EFCAB6: variants seen among roughly 807,000 people sequenced by gnomAD.
The protein encoded by EFCAB6 is EF-hand calcium-binding domain-containing protein 6.
In EFCAB6, 156 loss-of-function variants were observed where a neutral mutation model predicts 169.8. The ratio of observed to expected loss-of-function variants is 0.92; its 90% confidence interval spans 0.81 to 1.05. The LOEUF (loss-of-function observed/expected upper bound fraction) is 1.05. EFCAB6 is among the 50% of genes least tolerant of loss of function. EFCAB6 has a pLI of 0.00. For synonymous variants in EFCAB6, 698 were observed against 676.4 expected (o/e 1.03, Z -0.50); for missense variants, 1,800 against 1,829.1 (o/e 0.98, Z 0.29).
At chr22:43,642,095 C>A (rs2055843731) in intron 17 of EFCAB6, among the ~76,000 whole-genome samples, 2 of 152,246 alleles carry the variant, frequency 1.3e-5, no homozygotes, top group Middle Eastern at 3.4e-3. Context: ...GCATGCGACA[C>A]CACACCCGGC....
chr22:43,677,437 G>A (rs906131299), intron 13 of EFCAB6, among the ~76,000 whole-genome samples: 3 of 152,162 alleles, frequency 2.0e-5, no homozygotes, highest in Non-Finnish European at 4.4e-5. Flanking sequence ...CACGAGGTCA[G>A]GAGATCAAGA....
chr22:43,710,811 G>A (rs953299432), intron 10 of EFCAB6, among the ~76,000 whole-genome samples: 1 of 152,140 alleles, frequency 6.6e-6, no homozygotes, highest in Non-Finnish European at 1.5e-5. Flanking sequence ...ATGAACATGG[G>A]TCTGTACATC....
intron 8 of EFCAB6, among the ~76,000 whole-genome samples, chr22:43,719,241 C>G (rs992193682): frequency 1.3e-5 from 2 of 152,186 alleles, no homozygotes; most frequent in Non-Finnish European, 2.9e-5. Flanking sequence ...CTTTCATTCT[C>G]CAGGGCAGCT....
At chr22:43,566,602 G>C (rs2049448843) in intron 26 of EFCAB6, among the ~76,000 whole-genome samples, 1 of 152,210 alleles carries the variant, frequency 6.6e-6, no homozygotes, top group Admixed American at 6.5e-5. Context: ...GCCAGCAGGT[G>C]CTGGAGATGG....
At chr22:43,724,125 A>C (rs1484968695) in intron 8 of EFCAB6, among the ~76,000 whole-genome samples, 2 of 152,140 alleles carry the variant, frequency 1.3e-5, no homozygotes, top group Non-Finnish European at 2.9e-5. Flanking sequence ...GCAAGTGGCC[A>C]AAAGTAACCA....
chr22:43,569,136 C>T (rs2049663366), intron 26 of EFCAB6, among the ~76,000 whole-genome samples: 1 of 152,196 alleles, frequency 6.6e-6, no homozygotes, highest in Non-Finnish European at 1.5e-5. Flanking sequence ...GAGGGGGACT[C>T]ATACTCCTTT....
chr22:43,729,565 A>T (rs1455246154), intron 8 of EFCAB6, among the ~76,000 whole-genome samples: 2 of 152,226 alleles, frequency 1.3e-5, no homozygotes, highest in Non-Finnish European at 2.9e-5. Context: ...CAAACTCTCC[A>T]GGAGTGGATA....
rs1347224348 is a variant in EFCAB6 at position 43,628,488 on chromosome 22, C to T, written c.2233-1809G>A. Reference sequence around the variant, plus strand: ...TCTGTGCAATCGCTCCCGAGCGATCCCTTACAGCTGACGTCATGCATGAGG... The same window carrying T: ...TCTGTGCAATCGCTCCCGAGCGATCTCTTACAGCTGACGTCATGCATGAGG... On this transcript the variant is annotated intron_variant, in intron 19 of 31. Transcript: ENST00000262726. This position sits in a 1 kb window ranked among gnomAD's most constrained non-coding sequence, Gnocchi z 4.8. Among the ~76,000 whole-genome samples, 2 of 152,160 alleles carry T rather than the reference C, an allele frequency of 1.3e-5. No individual in the cohort carries two copies. The highest frequency in any genetic ancestry group is 2.9e-5 in the Non-Finnish European group (2 of 68,028).
At chr22:43,568,678 T>C (rs537322667) in intron 26 of EFCAB6, among the ~76,000 whole-genome samples, 1 of 152,064 alleles carries the variant, frequency 6.6e-6, no homozygotes, top group African/African-American at 2.4e-5. Context: ...CCCCGCACCA[T>C]GCATTTCCAT....
chr22:43,618,064 T>C (rs1475769048), intron 20 of EFCAB6, among the ~76,000 whole-genome samples: 3 of 146,468 alleles, frequency 2.0e-5, no homozygotes, highest in Non-Finnish European at 4.5e-5. Context: ...ATTGTGCCAC[T>C]GTACTCCAGC....
intron 6 of EFCAB6, among the ~76,000 whole-genome samples, chr22:43,741,086 C>T (rs1474186294): frequency 2.0e-5 from 3 of 152,064 alleles, no homozygotes; most frequent in Admixed American, 6.6e-5. Flanking sequence ...AAGTTAGGGC[C>T]GTGGTGTCCA....
intron 8 of EFCAB6, among the ~76,000 whole-genome samples, chr22:43,729,801 A>G (rs2059870475): frequency 6.6e-6 from 1 of 152,216 alleles, no homozygotes; most frequent in African/African-American, 2.4e-5. Flanking sequence ...TAGAAACAGC[A>G]AAGAATAGGA....
intron 20 of EFCAB6, among the ~76,000 whole-genome samples, chr22:43,621,710 T>C (rs1303647772): frequency 1.3e-5 from 2 of 151,672 alleles, no homozygotes; most frequent in East Asian, 1.9e-4. Flanking sequence ...ATCAATAAAA[T>C]TGAAATCAGA....
At chr22:43,621,043 G>C (rs937008107) in intron 20 of EFCAB6, among the ~76,000 whole-genome samples, 3 of 150,180 alleles carry the variant, frequency 2.0e-5, no homozygotes, top group African/African-American at 4.9e-5. Flanking sequence ...GACCACAACA[G>C]AATTAAACTA....
chr22:43,667,707 C>G (rs567069722), intron 16 of EFCAB6, among the ~76,000 whole-genome samples: 4 of 152,142 alleles, frequency 2.6e-5, no homozygotes, highest in Admixed American at 6.5e-5. Context: ...TTTGTGGTAA[C>G]TAGATCAAGG....
At chr22:43,792,500 A>G (rs947177287) in intron 2 of EFCAB6, among the ~76,000 whole-genome samples, 4 of 152,202 alleles carry the variant, frequency 2.6e-5, no homozygotes, top group Admixed American at 6.5e-5. Context: ...AGAAATTAAG[A>G]GACAAGAAAC....
intron 1 of EFCAB6, among the ~76,000 whole-genome samples, chr22:43,809,753 G>T (rs979357511): frequency 3.3e-5 from 5 of 152,002 alleles, no homozygotes; most frequent in African/African-American, 1.2e-4. Context: ...GATTACAGGT[G>T]CCTGCCACCA....
intron 25 of EFCAB6, among the ~76,000 whole-genome samples, chr22:43,579,854 T>TATTCCCTACACTCAGGCATC (rs2050600716): frequency 1.1e-4 from 10 of 91,168 alleles, no homozygotes; most frequent in East Asian, 3.3e-4. Context: ...ATGCAGGCAT[T>TATTCCCTACACTCAGGCATC]ATTCCCTACA....
At chr22:43,774,966 G>A (rs2061592118) in intron 3 of EFCAB6, among the ~76,000 whole-genome samples, 1 of 152,116 alleles carries the variant, frequency 6.6e-6, no homozygotes, top group African/African-American at 2.4e-5. Flanking sequence ...CCACGTGGAG[G>A]AGGAACCAAA....
Sources: gnomAD v4.1 joint callset for allele counts (sites outside exome capture counted in the v4.1 genomes callset) on GRCh38, gnomAD v4.1.1 for gene constraint, Gnocchi (gnomAD v3.1) non-coding constraint, MANE v1.5 for transcripts, NCBI Gene and HGNC (gene_info 2026-07-23, HGNC 2026-07-21) for gene names.